The following ADARB2 variants were observed in gnomAD, a reference collection of about 807,000 sequenced individuals.
The protein encoded by ADARB2 is inactive double-stranded RNA-specific editase B2.
Under a neutral mutation model 62.2 loss-of-function variants are expected in ADARB2, and 25 were observed. The ratio of observed to expected loss-of-function variants is 0.40; its 90% confidence interval spans 0.29 to 0.56. The LOEUF is 0.56. ADARB2 is among the 20% of genes least tolerant of loss of function. The pLI is 0.43. For synonymous variants in ADARB2, 572 were observed against 500.8 expected (o/e 1.14, Z -1.90); for missense variants, 1,071 against 1,077.4 (o/e 0.99, Z 0.08).
At chr10:1,370,296 C>G (rs1832357277) in intron 2 of ADARB2, among the ~76,000 whole-genome samples, 2 of 152,158 alleles carry the variant, frequency 1.3e-5, no homozygotes, top group Non-Finnish European at 2.9e-5. Flanking sequence ...ATTGTAGACA[C>G]ATACCTCAAA....
At chr10:1,441,651 G>A (rs556293513) in intron 1 of ADARB2, among the ~76,000 whole-genome samples, 8 of 152,208 alleles carry the variant, frequency 5.3e-5, no homozygotes, top group Non-Finnish European at 1.0e-4. Flanking sequence ...TGACATATTT[G>A]TCTTTTTTTC....
At position 1,412,212 on chromosome 10, in the gene ADARB2, C is replaced by T. The variant is rs547421421; in HGVS notation, c.101-33052G>A. On this transcript the variant is annotated intron_variant, in intron 1 of 9. Coordinates refer to ENST00000381312, the MANE Select transcript of ADARB2 (RefSeq NM_018702.4). ...CGGAGCGTGCTGCATCCTGCGAGCCCGGAGACCTCGGGGCTGGTTAGAGGA... is the reference window on the plus strand; with the variant it reads ...CGGAGCGTGCTGCATCCTGCGAGCCTGGAGACCTCGGGGCTGGTTAGAGGA... Among the ~76,000 whole-genome samples, 3 of 152,236 alleles carry T rather than the reference C, an allele frequency of 2.0e-5. No homozygotes were observed. In the East Asian group the frequency reaches 5.8e-4, roughly 29 times the overall value.
intron 1 of ADARB2, among the ~76,000 whole-genome samples, chr10:1,723,461 T>C (rs752745120): frequency 5.5e-4 from 84 of 152,324 alleles, no homozygotes; most frequent in Middle Eastern, 3.4e-3. Context: ...CTTTCTTCGG[T>C]AGCCACTTGC....
At chr10:1,401,841 CCAAACA>C (rs1358979709) in intron 1 of ADARB2, among the ~76,000 whole-genome samples, 2 of 152,152 alleles carry the variant, frequency 1.3e-5, no homozygotes, top group East Asian at 3.8e-4. Flanking sequence ...GTGTGTTCTG[CCAAACA>C]CAAACAGGTG....
In ADARB2 at chr10:1,206,406, C is replaced by T. The variant is rs571135866; in HGVS notation, c.1683-6259G>A. ...GAACTGGGACGTCTCCTCCTCGTGC[C>T]TGTGTGGTCTGAGAGAACTGGGGCG... is the stretch of plus-strand genomic sequence containing the variant. On this transcript the variant is annotated intron_variant, in intron 7 of 9. Transcript: ENST00000381312. Among the ~76,000 whole-genome samples, 108 of 151,894 alleles carry T rather than the reference C, an allele frequency of 7.1e-4. 1 individual carries two copies. Among genetic ancestry groups the T allele is most frequent in the Admixed American group, 2.3e-3 (35 of 15,266 alleles).
chr10:1,640,541 C>T (rs757970572), intron 1 of ADARB2, among the ~76,000 whole-genome samples: 9 of 152,072 alleles, frequency 5.9e-5, no homozygotes, highest in Admixed American at 1.3e-4. Context: ...ATAAAAATGG[C>T]GGATGCTCTA....
intron 3 of ADARB2, among the ~76,000 whole-genome samples, chr10:1,345,474 G>A (rs946886575): frequency 9.9e-5 from 15 of 152,084 alleles, no homozygotes; most frequent in African/African-American, 3.6e-4. Flanking sequence ...GGACCTTTTC[G>A]GCACCCTGTG....
chr10:1,543,549 A>T (rs1309833285), intron 1 of ADARB2, among the ~76,000 whole-genome samples: 2 of 152,224 alleles, frequency 1.3e-5, no homozygotes, highest in East Asian at 3.8e-4. Flanking sequence ...TGCCGCATTT[A>T]TTCGGGCTGG....
chr10:1,364,952 A>G (rs1832300335), intron 2 of ADARB2, among the ~76,000 whole-genome samples: 1 of 150,450 alleles, frequency 6.6e-6, no homozygotes, highest in Non-Finnish European at 1.5e-5. Context: ...GGCCCACTGC[A>G]ACCTCCGCCT....
chr10:1,694,661 A>G (rs1295881573), intron 1 of ADARB2, among the ~76,000 whole-genome samples: 1 of 152,194 alleles, frequency 6.6e-6, no homozygotes, highest in Non-Finnish European at 1.5e-5. Flanking sequence ...GATCAATCCT[A>G]TTGAAGAGAT....
chr10:1,189,982 C>T (rs1024944430), intron 8 of ADARB2, among the ~76,000 whole-genome samples: 3 of 151,990 alleles, frequency 2.0e-5, no homozygotes, highest in African/African-American at 7.3e-5. Context: ...AAAATGTCTC[C>T]TGGAGGGGAT....
chr10:1,488,625 T>C (rs1418026028), intron 1 of ADARB2, among the ~76,000 whole-genome samples: 4 of 152,098 alleles, frequency 2.6e-5, no homozygotes, highest in Non-Finnish European at 1.5e-5. Context: ...TGAAATAGCC[T>C]AACACTGGGG....
At chr10:1,668,201 C>CT (rs1834337426) in intron 1 of ADARB2, among the ~76,000 whole-genome samples, 2 of 152,220 alleles carry the variant, frequency 1.3e-5, no homozygotes. Context: ...TGGGTTCAGT[C>CT]TCTCTCTCCG....
At chr10:1,377,192 C>T (rs1475747240) in intron 2 of ADARB2, among the ~76,000 whole-genome samples, 1 of 113,150 alleles carries the variant, frequency 8.8e-6, no homozygotes, top group Non-Finnish European at 1.8e-5. Flanking sequence ...GGGGTGTGTG[C>T]TCCTGGGGTG....
chr10:1,266,767 C>G (rs1047377214), intron 4 of ADARB2, among the ~76,000 whole-genome samples: 1 of 152,166 alleles, frequency 6.6e-6, no homozygotes, highest in Non-Finnish European at 1.5e-5. Context: ...CTGGAGGACA[C>G]GGGCCAGGGC....
rs186183013 is a variant in ADARB2 at position 1,329,240 on chromosome 10, A to C, written c.1077+33788T>G. On this transcript the variant is annotated intron_variant, in intron 3 of 9. Transcript: ENST00000381312. ...TGCCTGCTGCCAGTTGAGATGTGAA[A>C]ATTGTCAGACTATTTCTAAATGGAA... Among the ~76,000 whole-genome samples, 107 of 152,320 alleles carry C rather than the reference A, an allele frequency of 7.0e-4. 1 individual carries two copies. Among genetic ancestry groups the C allele is most frequent in the Non-Finnish European group, 1.2e-4 (8 of 68,030 alleles).
intron 1 of ADARB2, among the ~76,000 whole-genome samples, chr10:1,718,130 C>T (rs560376577): frequency 2.6e-5 from 4 of 152,260 alleles, no homozygotes; most frequent in South Asian, 4.1e-4. Context: ...AACAGAAAGT[C>T]GCTGTTTCCA....
intron 1 of ADARB2, among the ~76,000 whole-genome samples, chr10:1,640,670 A>T (rs74993483): frequency 6.6e-6 from 1 of 152,228 alleles, no homozygotes; most frequent in Non-Finnish European, 1.5e-5. Context: ...ACACAGACAC[A>T]AAAACATGCA....
intron 1 of ADARB2, among the ~76,000 whole-genome samples, chr10:1,654,744 G>A (rs1456935023): frequency 1.3e-5 from 2 of 152,230 alleles, no homozygotes; most frequent in Non-Finnish European, 2.9e-5. Flanking sequence ...GGTAATGGCA[G>A]CAATGTCGCC....
Sources: gnomAD v4.1 joint callset for allele counts (sites outside exome capture counted in the v4.1 genomes callset) on GRCh38, gnomAD v4.1.1 for gene constraint, MANE v1.5 for transcripts, NCBI Gene and HGNC (gene_info 2026-07-23, HGNC 2026-07-21) for gene names.